The following NAA20 variants were observed in gnomAD, a reference collection of about 807,000 sequenced individuals.
NAA20 encodes N-alpha-acetyltransferase 20.
A neutral mutation model predicts 23.8 loss-of-function variants in NAA20; 24 were observed. The observed-to-expected ratio is 1.01, with a 90% CI of 0.73 to 1.42. The LOEUF (loss-of-function observed/expected upper bound fraction) is 1.42, where lower values mean the gene tolerates loss of function less well. Among genes scored for constraint, NAA20 ranks in the 40% most tolerant of loss-of-function variants. The pLI is 0.00. For synonymous variants in NAA20, 83 were observed against 77.7 expected, an observed-to-expected ratio of 1.07 and a Z score of -0.36; for missense variants, 166 against 223.1, an observed-to-expected ratio of 0.74 and a Z score of 1.63.
intron 1 of NAA20, 70 bp downstream of exon 1, chr20:20,017,519 C>T (rs561197788): frequency 1.9e-6 from 3 of 1,541,020 alleles, no homozygotes; most frequent in Admixed American, 2.0e-5. Flanking sequence ...CAGCTCCGGC[C>T]CCAGCCGCGC....
intron 2 of NAA20, among the ~76,000 whole-genome samples, chr20:20,023,274 A>G (rs2043283763): frequency 6.8e-6 from 1 of 147,044 alleles, no homozygotes; most frequent in Non-Finnish European, 1.5e-5. Context: ...GCGCCACTGC[A>G]CTCCAGCCTG....
At chr20:20,019,866 G>T (rs1474835078) in intron 1 of NAA20, among the ~76,000 whole-genome samples, 1 of 152,198 alleles carries the variant, frequency 6.6e-6, no homozygotes, top group Non-Finnish European at 1.5e-5. Flanking sequence ...AATTACAAGT[G>T]TGAGCCACCA....
At chr20:20,028,679 A>G (rs1270379698) in intron 4 of NAA20, among the ~76,000 whole-genome samples, 1 of 152,200 alleles carries the variant, frequency 6.6e-6, no homozygotes, top group African/African-American at 2.4e-5. Flanking sequence ...ATACATATAC[A>G]CATACATGAT....
intron 2 of NAA20, among the ~76,000 whole-genome samples, chr20:20,024,881 ATATT>A (rs1255663193): frequency 2.0e-5 from 3 of 152,208 alleles, no homozygotes; most frequent in Non-Finnish European, 2.9e-5. Context: ...CTTAAAAAAT[ATATT>A]TATGTGTGAT....
chr20:20,018,074 C>A (rs1183759522), intron 1 of NAA20: 4 of 1,614,052 alleles, frequency 2.5e-6, no homozygotes, highest in Admixed American at 3.3e-5. Context: ...ACTGTAGCTG[C>A]GCACCCCGGT....
At chr20:20,022,517 G>A in intron 2 of NAA20, 37 bp downstream of exon 2, 3 of 1,484,216 alleles carry the variant, frequency 2.0e-6, no homozygotes, top group Admixed American at 2.2e-5. Context: ...GTTGAATGAA[G>A]ATTTACTGAG....
At chr20:20,022,385 C>T (rs1355169118) in intron 1 of NAA20, 71 bp from the exon 2 acceptor site, 5 of 1,448,740 alleles carry the variant, frequency 3.5e-6, no homozygotes, top group Non-Finnish European at 3.8e-6. Flanking sequence ...TTACTGTTAG[C>T]TTTAGCAGGC....
At chr20:20,024,313 G>A (rs2043292705) in intron 2 of NAA20, among the ~76,000 whole-genome samples, 1 of 152,278 alleles carries the variant, frequency 6.6e-6, no homozygotes, top group Non-Finnish European at 1.5e-5. Flanking sequence ...TGACCCAGGT[G>A]TCCATTGTCA....
intron 4 of NAA20, among the ~76,000 whole-genome samples, chr20:20,027,239 C>G (rs971355741): frequency 9.9e-5 from 15 of 152,184 alleles, no homozygotes; most frequent in African/African-American, 3.6e-4. Flanking sequence ...AAATCTGTTA[C>G]CATTGCTTTG....
chr20:20,021,046 G>A (rs865913653), intron 1 of NAA20, among the ~76,000 whole-genome samples: 14 of 138,464 alleles, frequency 1.0e-4, no homozygotes, highest in East Asian at 2.5e-4. Flanking sequence ...GGCGGGGGGG[G>A]GGGGGGACTT....
chr20:20,018,220 A>T, intron 1 of NAA20: 1 of 714,638 alleles, frequency 1.4e-6, no homozygotes, highest in South Asian at 1.8e-5. Flanking sequence ...TTTTTTTTTT[A>T]AGAAAACATT....
intron 2 of NAA20, among the ~76,000 whole-genome samples, chr20:20,024,049 A>AT (rs1057412029): frequency 1.3e-5 from 2 of 152,136 alleles, no homozygotes; most frequent in African/African-American, 2.4e-5. Context: ...ATTAATTTAT[A>AT]TTTTTTTCTG....
intron 4 of NAA20, among the ~76,000 whole-genome samples, chr20:20,028,492 TAAAAA>T (rs927790873): frequency 6.6e-6 from 1 of 151,804 alleles, no homozygotes; most frequent in South Asian, 2.1e-4. Context: ...ATAATAATAA[TAAAAA>T]AAAGCAGGTC....
At chr20:20,031,604 GATAAC>G (rs1341168378) in intron 4 of NAA20, among the ~76,000 whole-genome samples, 1 of 151,984 alleles carries the variant, frequency 6.6e-6, no homozygotes, top group Non-Finnish European at 1.5e-5. Flanking sequence ...TTTATCAAAA[GATAAC>G]ATAAGGATAA....
intron 1 of NAA20, among the ~76,000 whole-genome samples, chr20:20,020,706 C>T (rs1356188331): frequency 2.0e-5 from 3 of 152,112 alleles, no homozygotes; most frequent in Non-Finnish European, 2.9e-5. Flanking sequence ...TGTAAGATGG[C>T]GCCTTAGGGC....
Position 20,033,300 on chromosome 20 carries a change from G to T in NAA20, c.*113G>T. 1 of 801,110 alleles carries T rather than the reference G, an allele frequency of 1.2e-6. No individual in the cohort carries two copies. Among genetic ancestry groups the T allele is most frequent in the Non-Finnish European group, 2.0e-6 (1 of 504,076 alleles). The allele number at this position is 801,110 out of a possible 1,614,324, so 49.6% of individuals were successfully genotyped here. A position where few individuals can be genotyped will look rare whatever the true frequency, so the allele number is the denominator to read the frequency against. On this transcript the variant is annotated 3_prime_UTR_variant, in exon 6 of 6. Coordinates refer to ENST00000334982, the MANE Select transcript of NAA20 (RefSeq NM_016100.5). Reference sequence around the variant, plus strand: ...AAAAGTAATCATTTTAGGTCTTAAAGACTTCAAGAAAATACAGGTTATCAA... The same window carrying T: ...AAAAGTAATCATTTTAGGTCTTAAATACTTCAAGAAAATACAGGTTATCAA...
intron 1 of NAA20, chr20:20,019,005 G>T: frequency 1.1e-6 from 1 of 873,542 alleles, no homozygotes; most frequent in Non-Finnish European, 1.4e-6. Flanking sequence ...TCTGGAGTGG[G>T]TCTTAACCCA....
intron 2 of NAA20, among the ~76,000 whole-genome samples, chr20:20,023,374 T>C (rs1461887313): frequency 6.6e-6 from 1 of 152,144 alleles, no homozygotes; most frequent in African/African-American, 2.4e-5. Flanking sequence ...TCTGTCTCAT[T>C]GACCAGCACC....
At chr20:20,025,583 A>C in intron 2 of NAA20, 94 bp from the exon 3 acceptor site, 1 of 835,262 alleles carries the variant, frequency 1.2e-6, no homozygotes, top group South Asian at 1.4e-5. Flanking sequence ...ATAAAGTAAC[A>C]GTATACTTTT....
Sources: allele counts gnomAD v4.1 joint callset (sites outside exome capture counted in the v4.1 genomes callset), GRCh38; gene constraint gnomAD v4.1.1; transcripts MANE v1.5; gene names NCBI Gene and HGNC (gene_info 2026-07-23, HGNC 2026-07-21).